Variants in TASP1 observed in about 807,000 individuals in gnomAD.
The protein encoded by TASP1 is threonine aspartase 1.
TASP1 carries 16 observed loss-of-function variants against 56.6 expected under a neutral mutation model. That is an observed-to-expected ratio of 0.28 (90% CI 0.19 to 0.43). The LOEUF is 0.43. Among genes scored for constraint, TASP1 ranks in the 20% least tolerant of loss-of-function variants. TASP1 has a pLI of 1.00. For synonymous variants in TASP1, 179 were observed against 184.2 expected, an observed-to-expected ratio of 0.97 and a Z score of 0.23; for missense variants, 393 against 511.6, an observed-to-expected ratio of 0.77 and a Z score of 2.24.
chr20:13,326,890 TGAAAATTG>T, the TASP1 span, among the ~76,000 whole-genome samples: 1 of 152,314 alleles, frequency 6.6e-6, no homozygotes, highest in Non-Finnish European at 1.5e-5. Context: ...GCATTTCCCT[TGAAAATTG>T]GCACAAGACA....
the TASP1 span, among the ~76,000 whole-genome samples, chr20:13,179,643 G>C: frequency 6.6e-6 from 1 of 152,094 alleles, no homozygotes; most frequent in East Asian, 1.9e-4. Context: ...ACAAAAGTGT[G>C]AGAGGCCTCT....
At chr20:13,550,036 G>T (rs909416452) in intron 8 of TASP1, among the ~76,000 whole-genome samples, 3 of 151,756 alleles carry the variant, frequency 2.0e-5, no homozygotes, top group Non-Finnish European at 4.4e-5. Context: ...TAGATTTAAG[G>T]TATAGCTTGG....
chr20:13,608,962 C>A (rs533646891), intron 4 of TASP1, among the ~76,000 whole-genome samples: 5 of 152,208 alleles, frequency 3.3e-5, no homozygotes, highest in African/African-American at 1.2e-4. Context: ...GGTCAGAGGG[C>A]TTTTATTAAA....
the TASP1 span, among the ~76,000 whole-genome samples, chr20:13,113,516 A>G: frequency 2.0e-5 from 3 of 152,212 alleles, no homozygotes; most frequent in Non-Finnish European, 4.4e-5. Context: ...CAGTCTGAGA[A>G]GTCAGACAAC....
intron 11 of TASP1, among the ~76,000 whole-genome samples, chr20:13,480,000 T>G (rs6079080): frequency 6.6e-6 from 1 of 152,220 alleles, no homozygotes; most frequent in Non-Finnish European, 1.5e-5. Flanking sequence ...TCAACCTCCT[T>G]GCTTCTAGTC....
chr20:13,362,834 T>TATATATATATATATATAC, the TASP1 span, among the ~76,000 whole-genome samples: 4 of 130,618 alleles, frequency 3.1e-5, no homozygotes, highest in African/African-American at 1.2e-4. Context: ...TATATATATA[T>TATATATATATATATATAC]ATATTTGTCT....
chr20:13,339,663 GGATAT>G, the TASP1 span, among the ~76,000 whole-genome samples: 1 of 152,042 alleles, frequency 6.6e-6, no homozygotes, highest in African/African-American at 2.4e-5. Context: ...GATCTGCATA[GGATAT>G]GATACAGAAT....
chr20:13,242,092 A>T, the TASP1 span, among the ~76,000 whole-genome samples: 1,535 of 152,290 alleles, frequency 0.01, 10 homozygotes, highest in Non-Finnish European at 0.016. Flanking sequence ...AAAAGAATGG[A>T]AAGTGTCTTT....
chr20:13,234,266 C>A, the TASP1 span, among the ~76,000 whole-genome samples: 1 of 152,168 alleles, frequency 6.6e-6, no homozygotes, highest in Admixed American at 6.5e-5. Context: ...CCTCCGGTAC[C>A]AGCCATGTTG....
the TASP1 span, among the ~76,000 whole-genome samples, chr20:13,184,189 A>T: frequency 6.6e-6 from 1 of 152,182 alleles, no homozygotes; most frequent in African/African-American, 2.4e-5. Context: ...AAGACAGATC[A>T]AGTGACAGTA....
chr20:13,262,049 A>G, the TASP1 span, among the ~76,000 whole-genome samples: 5 of 152,194 alleles, frequency 3.3e-5, no homozygotes, highest in East Asian at 3.9e-4. Flanking sequence ...TTTTAGGTGC[A>G]CTAATGATCT....
intron 4 of TASP1, among the ~76,000 whole-genome samples, chr20:13,593,690 G>A (rs952481090): frequency 1.3e-5 from 2 of 152,230 alleles, no homozygotes; most frequent in African/African-American, 4.8e-5. Flanking sequence ...GGTAAACGAA[G>A]TGGCTGGGAA....
chr20:13,346,620 T>A, the TASP1 span, among the ~76,000 whole-genome samples: 16 of 151,798 alleles, frequency 1.1e-4, no homozygotes, highest in Non-Finnish European at 1.8e-4. Context: ...AAGGGGAGAG[T>A]CCTCCTGACA....
the TASP1 span, chr20:13,288,505 C>G: frequency 1.2e-6 from 2 of 1,605,818 alleles, no homozygotes; most frequent in Non-Finnish European, 1.7e-6. Context: ...ACTCTTTGGC[C>G]AAAGTTGATG....
At chr20:13,154,702 C>T in the TASP1 span, among the ~76,000 whole-genome samples, 64 of 152,304 alleles carry the variant, frequency 4.2e-4, 4 homozygotes, top group East Asian at 0.012. Flanking sequence ...CTCAGTTTCT[C>T]ATGCCCTTAC....
chr20:13,224,947 G>A, the TASP1 span, among the ~76,000 whole-genome samples: 1 of 147,908 alleles, frequency 6.8e-6, no homozygotes, highest in East Asian at 2.0e-4. Context: ...CCGGGTTCAT[G>A]CCATTCTCCT....
the TASP1 span, among the ~76,000 whole-genome samples, chr20:13,355,302 A>T: frequency 2.6e-5 from 4 of 152,334 alleles, no homozygotes; most frequent in South Asian, 2.1e-4. Flanking sequence ...GAGAGAAATT[A>T]TGGTTCCTGG....
At chr20:13,113,267 C>G in the TASP1 span, among the ~76,000 whole-genome samples, 1 of 152,198 alleles carries the variant, frequency 6.6e-6, no homozygotes, top group Admixed American at 6.5e-5. Context: ...CACAAATGCA[C>G]TCCTACTTTT....
the TASP1 span, chr20:13,299,255 C>CCCTT: frequency 6.2e-7 from 1 of 1,605,842 alleles, no homozygotes; most frequent in Non-Finnish European, 8.5e-7. This position sits in a 1 kb window ranked among gnomAD's most constrained non-coding sequence, Gnocchi z 5.8. Flanking sequence ...TCACCAGGGG[C>CCCTT]AAGGGGGCGG....
Sources: gnomAD v4.1 joint callset for allele counts (sites outside exome capture counted in the v4.1 genomes callset) on GRCh38, gnomAD v4.1.1 for gene constraint, Gnocchi (gnomAD v3.1) non-coding constraint, MANE v1.5 for transcripts, NCBI Gene and HGNC (gene_info 2026-07-23, HGNC 2026-07-21) for gene names.